The following LYSMD2 variants were observed in gnomAD, a reference collection of about 807,000 sequenced individuals.
LYSMD2 encodes the protein LysM domain containing 2.
Under a neutral mutation model 17.7 loss-of-function variants are expected in LYSMD2, and 6 were observed. That is an observed-to-expected ratio of 0.34 (90% confidence interval 0.19 to 0.67). The LOEUF is 0.67. LYSMD2 is among the 30% of genes least tolerant of loss of function. The pLI, the probability that LYSMD2 is intolerant of heterozygous loss-of-function variation, is 0.69. For missense variants in LYSMD2, 237 were observed against 286.7 expected (o/e 0.83, Z 1.25); for synonymous variants, 102 against 129.8 (o/e 0.79, Z 1.45).
chr15:51,736,548 T>C (rs911736189), intron 1 of LYSMD2, among the ~76,000 whole-genome samples: 1 of 152,220 alleles, frequency 6.6e-6, no homozygotes, highest in African/African-American at 2.4e-5. Flanking sequence ...TTTCTTCCCA[T>C]TGCTGTCTAA....
intron 1 of LYSMD2, among the ~76,000 whole-genome samples, chr15:51,743,493 A>G (rs1005906310): frequency 2.0e-5 from 3 of 152,212 alleles, no homozygotes; most frequent in Non-Finnish European, 4.4e-5. Flanking sequence ...CTATTTGTCT[A>G]TTGTTTCAAG....
At chr15:51,733,937 C>T (rs1439867871) in intron 1 of LYSMD2, among the ~76,000 whole-genome samples, 2 of 152,220 alleles carry the variant, frequency 1.3e-5, no homozygotes, top group Non-Finnish European at 1.5e-5. Context: ...GTAATCCCAA[C>T]ACTTTGGGAG....
intron 1 of LYSMD2, among the ~76,000 whole-genome samples, chr15:51,736,888 G>T (rs541413618): frequency 2.0e-5 from 3 of 152,334 alleles, no homozygotes; most frequent in Admixed American, 6.5e-5. Context: ...AGGAACAACT[G>T]CACCATTCCT....
At chr15:51,728,396 AACACACACACACAC>A (rs61106396) in intron 1 of LYSMD2, among the ~76,000 whole-genome samples, 14 of 144,940 alleles carry the variant, frequency 9.7e-5, no homozygotes, top group African/African-American at 2.8e-4. Context: ...TCCAGGAGAA[AACACACACACACAC>A]ACACACACAC....
rs772216392 is a variant in LYSMD2 at position 51,724,925 on chromosome 15, GGGA to G, written c.467_469del (p.Leu156del). 9 of 1,614,068 alleles carry G rather than the reference GGGA, an allele frequency of 5.6e-6. No homozygotes were observed. The highest frequency in any genetic ancestry group is 5.1e-6 in the Non-Finnish European group (6 of 1,179,958). On this transcript the variant is annotated inframe_deletion, in exon 2 of 3. Coordinates refer to ENST00000267838, the MANE Select transcript of LYSMD2 (RefSeq NM_153374.3). ...ATCAGATTCTTGAGGACTGGGAGGA[GGGA>G]GGTCTTCCCCGGCCACCACTGGCTC...
upstream of LYSMD2, among the ~76,000 whole-genome samples, chr15:51,741,660 C>T (rs1246980871): frequency 6.6e-6 from 1 of 152,150 alleles, no homozygotes; most frequent in Admixed American, 6.5e-5. Flanking sequence ...TGGTTCTCGC[C>T]TGTTATTCCA....
At chr15:51,735,011 CA>C (rs1386331854) in intron 1 of LYSMD2, among the ~76,000 whole-genome samples, 1 of 151,888 alleles carries the variant, frequency 6.6e-6, no homozygotes, top group East Asian at 1.9e-4. Context: ...CCCATTTCTA[CA>C]AAAAATACAA....
At chr15:51,733,670 C>T (rs527619007) in intron 1 of LYSMD2, among the ~76,000 whole-genome samples, 15 of 152,240 alleles carry the variant, frequency 9.9e-5, no homozygotes, top group African/African-American at 3.1e-4. Flanking sequence ...ATGTGAGGCC[C>T]TTGTTCACAA....
At chr15:51,748,062 G>A (rs141845097) in intron 1 of LYSMD2, among the ~76,000 whole-genome samples, 2,144 of 151,844 alleles carry the variant, frequency 0.014, 83 homozygotes, top group Admixed American at 0.072. Context: ...CACAAGGTCA[G>A]GAGATCGACA....
intron 1 of LYSMD2, among the ~76,000 whole-genome samples, chr15:51,730,557 C>T (rs992061017): frequency 6.6e-6 from 1 of 152,186 alleles, no homozygotes; most frequent in Non-Finnish European, 1.5e-5. Context: ...AATGATTCCC[C>T]TGTGAAGGGA....
intron 1 of LYSMD2, among the ~76,000 whole-genome samples, chr15:51,750,280 A>C (rs11070867): frequency 6.6e-6 from 1 of 152,056 alleles, no homozygotes; most frequent in Non-Finnish European, 1.5e-5. Flanking sequence ...CACAAATAGG[A>C]AAGTATTTTC....
upstream of LYSMD2, among the ~76,000 whole-genome samples, chr15:51,742,518 T>C (rs1326424156): frequency 1.3e-5 from 2 of 152,246 alleles, no homozygotes; most frequent in Non-Finnish European, 2.9e-5. Context: ...ACATGTATCA[T>C]GTTGAGTTTG....
rs1334514288 is a variant in LYSMD2 at position 51,737,204 on chromosome 15, C to A, written c.273+146G>T. 6.1e-6 allele frequency: 5 copies of A among 820,728 alleles called. No individual in the cohort carries two copies. The highest frequency in any genetic ancestry group is 8.2e-6 in the Non-Finnish European group (5 of 608,592). The allele number at this position is 820,728 out of a possible 1,614,324, so 50.8% of individuals were successfully genotyped here. A position where few individuals can be genotyped will look rare whatever the true frequency, so the allele number is the denominator to read the frequency against. ...GCTGAGCGAGCCCTGGGAGCCGAGCCGCCCGGGGACGCACGGCCGTCCCTG... is the reference window on the plus strand; with the variant it reads ...GCTGAGCGAGCCCTGGGAGCCGAGCAGCCCGGGGACGCACGGCCGTCCCTG... On this transcript the variant is annotated intron_variant, in intron 1 of 2. Transcript: ENST00000267838. This position sits in a 1 kb window ranked among gnomAD's most constrained non-coding sequence, Gnocchi z 4.2.
In LYSMD2 at chr15:51,723,473, G is replaced by A. The variant is rs1486638273; in HGVS notation, c.*134C>T. 4.2e-5 allele frequency: 31 copies of A among 736,566 alleles called. No homozygotes were observed. Among genetic ancestry groups the A allele is most frequent in the Non-Finnish European group, 5.3e-5 (22 of 414,112 alleles). The allele number at this position is 736,566 out of a possible 1,614,324, so 45.6% of individuals were successfully genotyped here. A position where few individuals can be genotyped will look rare whatever the true frequency, so the allele number is the denominator to read the frequency against. ...AATCACTTCAGTGCAACTGCAGCAG[G>A]TAGAACTACCTAGTTATGATTTTAA... On this transcript the variant is annotated 3_prime_UTR_variant, in exon 3 of 3. Coordinates refer to ENST00000267838, the MANE Select transcript of LYSMD2 (RefSeq NM_153374.3).
intron 1 of LYSMD2, among the ~76,000 whole-genome samples, chr15:51,727,111 A>G (rs1350056004): frequency 6.6e-6 from 1 of 152,196 alleles, no homozygotes; most frequent in African/African-American, 2.4e-5. Context: ...AGGAGTGGGC[A>G]TGGAAGATGA....
intron 1 of LYSMD2, among the ~76,000 whole-genome samples, chr15:51,750,422 CT>C (rs2055692633): frequency 6.6e-6 from 1 of 152,212 alleles, no homozygotes; most frequent in African/African-American, 2.4e-5. Flanking sequence ...CACATTTTGC[CT>C]AAAATTTCAT....
intron 1 of LYSMD2, among the ~76,000 whole-genome samples, chr15:51,728,870 A>C (rs200284149): frequency 4.1e-5 from 2 of 49,248 alleles, no homozygotes; most frequent in African/African-American, 6.6e-5. Flanking sequence ...ACTCCATCTC[A>C]AAAAAAAAAA....
At chr15:51,743,197 A>G (rs2055651787) in intron 1 of LYSMD2, among the ~76,000 whole-genome samples, 1 of 152,078 alleles carries the variant, frequency 6.6e-6, no homozygotes, top group Admixed American at 6.5e-5. Flanking sequence ...TCTGGTCTCA[A>G]ATTCCTGGAG....
chr15:51,745,868 T>C (rs2055665375), intron 1 of LYSMD2, among the ~76,000 whole-genome samples: 1 of 152,210 alleles, frequency 6.6e-6, no homozygotes, highest in African/African-American at 2.4e-5. Flanking sequence ...TTCAACATCA[T>C]TAGTCATTAG....
Sources: gnomAD v4.1 joint callset for allele counts (sites outside exome capture counted in the v4.1 genomes callset) on GRCh38, gnomAD v4.1.1 for gene constraint, Gnocchi (gnomAD v3.1) non-coding constraint, MANE v1.5 for transcripts, NCBI Gene and HGNC (gene_info 2026-07-23, HGNC 2026-07-21) for gene names.